Variants in CLVS2 observed in about 807,000 individuals in gnomAD.
CLVS2 encodes the protein clavesin-2.
Under a neutral mutation model 29.0 loss-of-function variants are expected in CLVS2, and 19 were observed. The ratio of observed to expected loss-of-function variants is 0.66; its 90% CI spans 0.46 to 0.96. The LOEUF is 0.96. CLVS2 is among the 40% of genes least tolerant of loss of function. CLVS2 has a pLI of 0.00. For missense variants in CLVS2, 294 were observed against 404.1 expected, an observed-to-expected ratio of 0.73 and a Z score of 2.34; for synonymous variants, 161 against 151.3, an observed-to-expected ratio of 1.06 and a Z score of -0.47.
intron 3 of CLVS2, among the ~76,000 whole-genome samples, chr6:123,044,121 C>A (rs957305542): frequency 1.6e-4 from 24 of 152,174 alleles, no homozygotes; most frequent in African/African-American, 5.5e-4. Context: ...ATTGGCAAAA[C>A]CATTTGGAAG....
chr6:123,042,764 T>G (rs1383947257), intron 3 of CLVS2, among the ~76,000 whole-genome samples: 1 of 152,174 alleles, frequency 6.6e-6, no homozygotes, highest in Non-Finnish European at 1.5e-5. Flanking sequence ...GTCTGTCCAC[T>G]AGTGATAATG....
chr6:123,000,071 A>G (rs1355295903), intron 2 of CLVS2, among the ~76,000 whole-genome samples: 4 of 152,218 alleles, frequency 2.6e-5, no homozygotes, highest in African/African-American at 9.6e-5. Flanking sequence ...TAATTGGTAT[A>G]TAGAATTACA....
chr6:123,004,541 T>G (rs1774635670), intron 2 of CLVS2, among the ~76,000 whole-genome samples: 1 of 152,202 alleles, frequency 6.6e-6, no homozygotes, highest in Non-Finnish European at 1.5e-5. Context: ...AAGCTCCCTA[T>G]TGTGGTGAGG....
intron 2 of CLVS2, among the ~76,000 whole-genome samples, chr6:122,999,851 A>C (rs1035973783): frequency 6.6e-6 from 1 of 152,158 alleles, no homozygotes; most frequent in African/African-American, 2.4e-5. Context: ...ATTTTCATGA[A>C]TTTCTATAAG....
chr6:123,051,451 C>T (rs1207729754), intron 4 of CLVS2, among the ~76,000 whole-genome samples: 1 of 152,174 alleles, frequency 6.6e-6, no homozygotes, highest in Non-Finnish European at 1.5e-5. Flanking sequence ...AAACTAAGGT[C>T]TCCTACTGCT....
At chr6:123,037,993 G>T (rs946859563) in intron 3 of CLVS2, among the ~76,000 whole-genome samples, 2 of 152,112 alleles carry the variant, frequency 1.3e-5, no homozygotes, top group Non-Finnish European at 2.9e-5. Context: ...GCACTATCCA[G>T]GTAGGCTCCA....
At position 123,071,152 on chromosome 6, in the gene CLVS2, G is replaced by A; in HGVS notation, c.*7391G>A. On this transcript the variant is annotated 3_prime_UTR_variant, in exon 6 of 6. Transcript: ENST00000275162. ...TTTGTCTGTTTACTACTGCATTACTGGTGCCTTGTACAGTCCCTGGAACTT... is the reference window on the plus strand; with the variant it reads ...TTTGTCTGTTTACTACTGCATTACTAGTGCCTTGTACAGTCCCTGGAACTT... 1 of 151,842 alleles carries A rather than the reference G, an allele frequency of 6.6e-6. No homozygotes were observed. The highest frequency in any genetic ancestry group is 1.9e-4 in the East Asian group (1 of 5,172). The allele number at this position is 151,842 out of a possible 1,614,324, so 9.4% of individuals were successfully genotyped here.
At position 123,027,016 on chromosome 6, in the gene CLVS2, C is replaced by T. The variant is rs73769345; in HGVS notation, c.564+15857C>T. Among the ~76,000 whole-genome samples, 613 of 152,138 alleles carry T rather than the reference C, an allele frequency of 4.0e-3. 3 individuals carry two copies. The highest frequency in any genetic ancestry group is 0.014 in the African/African-American group (573 of 41,500). On this transcript the variant is annotated intron_variant, in intron 3 of 5. Transcript: ENST00000275162. ...ATGTGGAGAGATGTACGTAGGGAAA[C>T]AGCATGAGCTAAGGTACAGAGGCGA...
intron 3 of CLVS2, among the ~76,000 whole-genome samples, chr6:123,045,999 G>A (rs1772501723): frequency 6.6e-6 from 1 of 152,234 alleles, no homozygotes; most frequent in Non-Finnish European, 1.5e-5. Context: ...AAAACAGTAT[G>A]TTGACTACAA....
At chr6:123,038,868 C>T (rs1775190223) in intron 3 of CLVS2, among the ~76,000 whole-genome samples, 1 of 152,112 alleles carries the variant, frequency 6.6e-6, no homozygotes, top group African/African-American at 2.4e-5. Context: ...AACATTCTTG[C>T]ACAAAACATT....
At chr6:123,032,662 T>A (rs569569786) in intron 3 of CLVS2, among the ~76,000 whole-genome samples, 1 of 152,222 alleles carries the variant, frequency 6.6e-6, no homozygotes, top group African/African-American at 2.4e-5. Flanking sequence ...GTATGTGAAG[T>A]AGCATATTCT....
intron 3 of CLVS2, among the ~76,000 whole-genome samples, chr6:123,036,814 C>T (rs996710071): frequency 1.3e-5 from 2 of 152,112 alleles, no homozygotes; most frequent in African/African-American, 4.8e-5. Flanking sequence ...TACTGCCTCA[C>T]CATCCATATG....
chr6:123,061,312 GA>G (rs71823547), intron 5 of CLVS2, among the ~76,000 whole-genome samples: 7,320 of 143,308 alleles, frequency 0.051, 563 homozygotes, highest in African/African-American at 0.17. Context: ...AAACAAAACC[GA>G]AAAAAAAAAA....
At chr6:123,021,874 A>AAT (rs544335423) in intron 3 of CLVS2, among the ~76,000 whole-genome samples, 228 of 152,152 alleles carry the variant, frequency 1.5e-3, no homozygotes, top group Non-Finnish European at 2.5e-3. Context: ...ATTTGGCTAG[A>AAT]ATAGTACAGT....
intron 3 of CLVS2, among the ~76,000 whole-genome samples, chr6:123,019,613 C>A (rs1479958318): frequency 6.6e-6 from 1 of 151,896 alleles, no homozygotes; most frequent in Non-Finnish European, 1.5e-5. Flanking sequence ...TGAGTATTTC[C>A]AAACATCCTG....
At chr6:123,045,499 T>A (rs767412379) in intron 3 of CLVS2, among the ~76,000 whole-genome samples, 2 of 151,768 alleles carry the variant, frequency 1.3e-5, no homozygotes, top group Non-Finnish European at 2.9e-5. Flanking sequence ...CTGCAAACAA[T>A]CTCTCAGCTA....
chr6:123,014,937 T>C (rs1774804325), intron 3 of CLVS2, among the ~76,000 whole-genome samples: 1 of 152,106 alleles, frequency 6.6e-6, no homozygotes. Flanking sequence ...TTGTTTCACC[T>C]GGTGAAATTT....
rs1452565987 is a variant in CLVS2 at position 123,072,426 on chromosome 6, G to A, written c.*8665G>A. On this transcript the variant is annotated 3_prime_UTR_variant, in exon 6 of 6. Coordinates refer to ENST00000275162, the MANE Select transcript of CLVS2 (RefSeq NM_001010852.4). Reference sequence around the variant, plus strand: ...TTATGTTTCTTGTCAGTTACACAAGGATAGGTAATCAGGGTTAACAGTTCG... The same window carrying A: ...TTATGTTTCTTGTCAGTTACACAAGAATAGGTAATCAGGGTTAACAGTTCG... 2 of 152,088 alleles carry A rather than the reference G, an allele frequency of 1.3e-5. No individual in the cohort carries two copies. The highest frequency in any genetic ancestry group is 2.9e-5 in the Non-Finnish European group (2 of 67,968). The allele number at this position is 152,088 out of a possible 1,614,324, so 9.4% of individuals were successfully genotyped here.
At position 123,072,363 on chromosome 6, in the gene CLVS2, C is replaced by T. The variant is rs1437017707; in HGVS notation, c.*8602C>T. 1.3e-5 allele frequency: 2 copies of T among 152,144 alleles called. No individual in the cohort carries two copies. Among genetic ancestry groups the T allele is most frequent in the East Asian group, 3.9e-4 (2 of 5,178 alleles). The allele number at this position is 152,144 out of a possible 1,614,324, so 9.4% of individuals were successfully genotyped here. A position where few individuals can be genotyped will look rare whatever the true frequency, so the allele number is the denominator to read the frequency against. The stretch of plus-strand genomic sequence containing the variant: ...TGTAATGGGTAGGGGTTTTATTCCT[C>T]TTTGTGTGCTATGTAGGACATTGTT... On this transcript the variant is annotated 3_prime_UTR_variant, in exon 6 of 6. Coordinates refer to ENST00000275162, the MANE Select transcript of CLVS2 (RefSeq NM_001010852.4).
Sources: allele counts gnomAD v4.1 joint callset (sites outside exome capture counted in the v4.1 genomes callset), GRCh38; gene constraint gnomAD v4.1.1; transcripts MANE v1.5; gene names NCBI Gene and HGNC (gene_info 2026-07-23, HGNC 2026-07-21).